PTPN22: variants seen among roughly 807,000 people sequenced by gnomAD.
PTPN22 encodes the protein tyrosine-protein phosphatase non-receptor type 22.
Under a neutral mutation model 103.3 loss-of-function variants are expected in PTPN22, and 85 were observed. That is an observed-to-expected ratio of 0.82 (90% CI 0.69 to 0.99). PTPN22 has a LOEUF of 0.99. Among genes scored for constraint, PTPN22 ranks in the 50% least tolerant of loss-of-function variants. The probability of loss-of-function intolerance (pLI) is 0.00; values close to 1 mark genes in which losing one functional copy is unlikely to be tolerated. For missense variants in PTPN22, 865 were observed against 936.9 expected, an observed-to-expected ratio of 0.92 and a Z score of 1.00; for synonymous variants, 323 against 310.2, an observed-to-expected ratio of 1.04 and a Z score of -0.43.
At chr1:113,828,668 C>T (rs1305525144) in intron 18 of PTPN22, among the ~76,000 whole-genome samples, 4 of 152,046 alleles carry the variant, frequency 2.6e-5, no homozygotes, top group East Asian at 1.9e-4. Flanking sequence ...TTTGAGATGA[C>T]GTCTCACTCT....
chr1:113,864,406 G>A lies in PTPN22; in HGVS notation c.88-4946C>T, dbSNP rs77420102. On this transcript the variant is annotated intron_variant, in intron 1 of 20. Transcript: ENST00000359785. The stretch of plus-strand genomic sequence containing the variant: ...CCCTGTCTCCAGAAAAAAAAAAAAA[G>A]AAAGAAAAGAAGAAAAGAAAAGAAA... 9.2e-3 allele frequency: 1,091 copies of A among 118,642 alleles called. 8 individuals carry two copies. Among genetic ancestry groups the A allele is most frequent in the South Asian group, 0.021 (317 of 15,290 alleles). 7.3% of individuals were successfully genotyped at this position (118,642 alleles called of 1,614,324 possible). A position where few individuals can be genotyped will look rare whatever the true frequency, so the allele number is the denominator to read the frequency against.
rs762682542 is a variant in PTPN22, at chr1:113,858,029, T to C, written c.370-253A>G. On this transcript the variant is annotated intron_variant, in intron 4 of 20. Coordinates refer to ENST00000359785, the Ensembl canonical transcript of PTPN22. ...TGAGCCTGTCAAGGTAAGAACTTTC[T>C]CATTTTTAAATTTATTTTTATTATT... The C allele has an allele frequency of 1.2e-4, 36 of 290,840 alleles. 1 individual carries two copies. Among genetic ancestry groups the C allele is most frequent in the South Asian group, 2.6e-4 (2 of 7,656 alleles). 18.0% of individuals were successfully genotyped at this position (290,840 alleles called of 1,614,324 possible).
At chr1:113,857,623 T>C in intron 5 of PTPN22, 115 bp downstream of exon 5, 1 of 925,352 alleles carries the variant, frequency 1.1e-6, no homozygotes, top group Non-Finnish European at 1.7e-6. Context: ...CTGAAAACTA[T>C]GAAGATGACA....
chr1:113,826,823 CTA>C (rs1662118115), intron 18 of PTPN22, among the ~76,000 whole-genome samples: 1 of 150,878 alleles, frequency 6.6e-6, no homozygotes, highest in Non-Finnish European at 1.5e-5. Context: ...GCGCCCGCCA[CTA>C]CGCCCGGCTA....
At chr1:113,857,431 AG>A (rs1311005291) in intron 5 of PTPN22, 2 of 246,790 alleles carry the variant, frequency 8.1e-6, no homozygotes, top group African/African-American at 2.3e-5. Context: ...TGGACGGCAC[AG>A]GATTAAAAGC....
chr1:113,829,950 A>C (rs773729379), exon 17 of PTPN22: 1 of 1,593,530 alleles, frequency 6.3e-7, no homozygotes. Flanking sequence ...ACCACTTACA[A>C]TCTTCATCGG....
intron 10 of PTPN22, among the ~76,000 whole-genome samples, chr1:113,850,276 A>AAGGAAGGAAGGAAG (rs1664471485): frequency 6.8e-6 from 1 of 146,640 alleles, no homozygotes. Flanking sequence ...AAGGAAGGAA[A>AAGGAAGGAAGGAAG]GAAAGGAAGA....
At chr1:113,837,815 T>G (rs1411220154) in exon 13 of PTPN22, 1 of 1,613,888 alleles carries the variant, frequency 6.2e-7, no homozygotes, top group Non-Finnish European at 8.5e-7. Flanking sequence ...ACTAAAGGTA[T>G]GTAAGAATAT....
At chr1:113,840,449 G>T (rs1663449961) in intron 11 of PTPN22, among the ~76,000 whole-genome samples, 1 of 152,022 alleles carries the variant, frequency 6.6e-6, no homozygotes, top group Admixed American at 6.6e-5. Flanking sequence ...GCATCAAAAA[G>T]AATAAAATAC....
chr1:113,832,399 C>T (rs1167130399), intron 16 of PTPN22, among the ~76,000 whole-genome samples: 3 of 152,108 alleles, frequency 2.0e-5, no homozygotes, highest in Admixed American at 6.6e-5. Context: ...AGGATGGTCT[C>T]GATCTCTTGA....
chr1:113,866,032 C>T (rs1002307378), intron 1 of PTPN22, among the ~76,000 whole-genome samples: 2 of 152,122 alleles, frequency 1.3e-5, no homozygotes, highest in Non-Finnish European at 2.9e-5. Flanking sequence ...TCAGTTCCAC[C>T]ACTTACTAGC....
At chr1:113,851,320 A>T (rs1664550944) in intron 10 of PTPN22, among the ~76,000 whole-genome samples, 1 of 151,728 alleles carries the variant, frequency 6.6e-6, no homozygotes, top group African/African-American at 2.4e-5. Flanking sequence ...TATCCAGCTA[A>T]TTTTTTTATT....
chr1:113,870,635 T>C (rs1027337838), intron 1 of PTPN22, among the ~76,000 whole-genome samples: 1 of 152,186 alleles, frequency 6.6e-6, no homozygotes, highest in Non-Finnish European at 1.5e-5. Context: ...CTCTCCATCC[T>C]AGCCATTCCA....
At chr1:113,858,850 G>T (rs1437562289) in intron 3 of PTPN22, 152 bp downstream of exon 3, 2 of 1,324,678 alleles carry the variant, frequency 1.5e-6, no homozygotes, top group Middle Eastern at 2.3e-4. Flanking sequence ...TGTTGCCCAG[G>T]CTGGTCTGAA....
At chr1:113,858,965 G>A (rs775863581) in intron 3 of PTPN22, 37 bp downstream of exon 3, 1 of 1,600,020 alleles carries the variant, frequency 6.2e-7, no homozygotes, top group South Asian at 1.1e-5. Flanking sequence ...TGGGTATCTA[G>A]AGAAATATGG....
chr1:113,847,012 TGGTCCCTTAG>T (rs1664128177), intron 11 of PTPN22, among the ~76,000 whole-genome samples: 29 of 102,532 alleles, frequency 2.8e-4, no homozygotes, highest in African/African-American at 4.7e-4. Context: ...TTTTTTTTTT[TGGTCCCTTAG>T]TTCCCTGCAG....
At chr1:113,815,009 T>G (rs996972536) in intron 20 of PTPN22, 40 bp from the exon 21 acceptor site, 2 of 1,449,452 alleles carry the variant, frequency 1.4e-6, no homozygotes, top group Admixed American at 1.8e-5. Context: ...GAAAGATGTT[T>G]TAAGTATAGA....
At chr1:113,854,996 T>G (rs1308263509) in exon 8 of PTPN22, 2 of 1,607,820 alleles carry the variant, frequency 1.2e-6, no homozygotes, top group Middle Eastern at 1.7e-4. Context: ...TAGATGAAGG[T>G]ACATCATGGT....
At chr1:113,823,132 C>T (rs914269777) in intron 19 of PTPN22, 14 of 149,702 alleles carry the variant, frequency 9.4e-5, no homozygotes, top group African/African-American at 3.6e-4. Context: ...TGTTGGAACC[C>T]CTCACCAAAC....
Sources: allele counts gnomAD v4.1 joint callset (sites outside exome capture counted in the v4.1 genomes callset), GRCh38; gene constraint gnomAD v4.1.1; transcripts MANE v1.5; gene names NCBI Gene and HGNC (gene_info 2026-07-23, HGNC 2026-07-21).